TSPAN5: variants seen among roughly 807,000 people sequenced by gnomAD.
TSPAN5 encodes the protein tetraspanin 5.
Under a neutral mutation model 37.1 loss-of-function variants are expected in TSPAN5, and 10 were observed. The observed-to-expected ratio is 0.27, with a 90% CI of 0.17 to 0.46. The LOEUF is 0.46. TSPAN5 is among the 20% of genes least tolerant of loss of function. The pLI is 1.00. For missense variants in TSPAN5, 195 were observed against 326.6 expected (o/e 0.60, Z 3.11); for synonymous variants, 110 against 118.9 (o/e 0.93, Z 0.48).
intron 1 of TSPAN5, among the ~76,000 whole-genome samples, chr4:98,535,992 C>T (rs539516886): frequency 6.6e-6 from 1 of 152,178 alleles, no homozygotes; most frequent in East Asian, 1.9e-4. Flanking sequence ...TCGTTTAGCT[C>T]AAGTCTGTTA....
At chr4:98,598,588 C>T (rs1755810729) in intron 1 of TSPAN5, among the ~76,000 whole-genome samples, 1 of 152,094 alleles carries the variant, frequency 6.6e-6, no homozygotes, top group East Asian at 1.9e-4. Flanking sequence ...CCTCAGCCTC[C>T]CAAGTAGCTG....
At chr4:98,605,036 T>C (rs189800424) in intron 1 of TSPAN5, among the ~76,000 whole-genome samples, 3 of 152,332 alleles carry the variant, frequency 2.0e-5, no homozygotes, top group Admixed American at 1.3e-4. Context: ...ATAAATTAAA[T>C]ACAAAATAAA....
chr4:98,651,580 C>T (rs896614170), intron 1 of TSPAN5, among the ~76,000 whole-genome samples: 1 of 152,150 alleles, frequency 6.6e-6, no homozygotes, highest in Non-Finnish European at 1.5e-5. Context: ...TTGTCTCAAA[C>T]AGGATAAAAA....
intron 1 of TSPAN5, among the ~76,000 whole-genome samples, chr4:98,582,969 A>G (rs1442757233): frequency 3.3e-5 from 5 of 152,218 alleles, no homozygotes; most frequent in African/African-American, 1.2e-4. Flanking sequence ...ATTCCTTGGT[A>G]CCGTATAAAA....
At chr4:98,535,948 G>A (rs1423450398) in intron 1 of TSPAN5, among the ~76,000 whole-genome samples, 2 of 151,972 alleles carry the variant, frequency 1.3e-5, no homozygotes, top group Non-Finnish European at 2.9e-5. Context: ...TTTTTTCAAG[G>A]TTCTTAGCTT....
chr4:98,561,848 T>C (rs1175308892), intron 1 of TSPAN5, among the ~76,000 whole-genome samples: 1 of 152,024 alleles, frequency 6.6e-6, no homozygotes, highest in Non-Finnish European at 1.5e-5. Flanking sequence ...AAGGAAGACA[T>C]AAAAAGAAGA....
intron 1 of TSPAN5, among the ~76,000 whole-genome samples, chr4:98,581,230 G>C (rs1032930997): frequency 6.6e-5 from 10 of 152,116 alleles, no homozygotes; most frequent in Non-Finnish European, 1.2e-4. Context: ...GTAAATTACA[G>C]AAGTGAAAAA....
chr4:98,578,248 C>G (rs752308197), intron 1 of TSPAN5, among the ~76,000 whole-genome samples: 6 of 152,160 alleles, frequency 3.9e-5, no homozygotes, highest in Admixed American at 6.5e-5. Flanking sequence ...TTTATCCCTG[C>G]AGAGCCAACA....
chr4:98,480,512 C>G (rs1037484223), intron 4 of TSPAN5, among the ~76,000 whole-genome samples: 1 of 152,204 alleles, frequency 6.6e-6, no homozygotes, highest in African/African-American at 2.4e-5. Flanking sequence ...TGCACTTTCT[C>G]TACTTCTCTG....
intron 1 of TSPAN5, among the ~76,000 whole-genome samples, chr4:98,627,520 T>G (rs1756635362): frequency 6.6e-6 from 1 of 152,170 alleles, no homozygotes; most frequent in East Asian, 1.9e-4. Flanking sequence ...CAACAACTAT[T>G]TCTTCCAAAT....
At chr4:98,612,212 G>T (rs1295834533) in intron 1 of TSPAN5, among the ~76,000 whole-genome samples, 1 of 152,082 alleles carries the variant, frequency 6.6e-6, no homozygotes, top group Non-Finnish European at 1.5e-5. Context: ...AAGAGGAGGG[G>T]GAGGAGGATG....
At chr4:98,532,876 G>C (rs1754128777) in intron 1 of TSPAN5, among the ~76,000 whole-genome samples, 1 of 152,144 alleles carries the variant, frequency 6.6e-6, no homozygotes, top group African/African-American at 2.4e-5. Context: ...TTGATACCTA[G>C]TTTATTGAGT....
At chr4:98,523,907 C>G (rs1456754351) in intron 1 of TSPAN5, among the ~76,000 whole-genome samples, 2 of 152,164 alleles carry the variant, frequency 1.3e-5, no homozygotes, top group African/African-American at 4.8e-5. Context: ...CCTGGGCAAG[C>G]TGACACTCTC....
intron 1 of TSPAN5, among the ~76,000 whole-genome samples, chr4:98,590,707 C>CAAAAA (rs201373765): frequency 1.1e-5 from 1 of 91,490 alleles, no homozygotes; most frequent in Non-Finnish European, 2.4e-5. Flanking sequence ...GAGACTGTCT[C>CAAAAA]AAAAAAAAAA....
At chr4:98,561,171 A>G (rs181779226) in intron 1 of TSPAN5, among the ~76,000 whole-genome samples, 3 of 152,238 alleles carry the variant, frequency 2.0e-5, no homozygotes, top group African/African-American at 7.2e-5. Flanking sequence ...TATCCACTCC[A>G]TGCTCTCTTC....
At chr4:98,521,678 C>T (rs982431810) in intron 1 of TSPAN5, among the ~76,000 whole-genome samples, 3 of 152,180 alleles carry the variant, frequency 2.0e-5, no homozygotes, top group African/African-American at 7.2e-5. Flanking sequence ...GATTGTTCTC[C>T]AGCCCCCTGG....
At chr4:98,592,421 G>GTTTTGTTTTTT (rs1755661609) in intron 1 of TSPAN5, among the ~76,000 whole-genome samples, 1 of 95,280 alleles carries the variant, frequency 1.0e-5, no homozygotes, top group African/African-American at 4.4e-5. Context: ...AGGGATCTCT[G>GTTTTGTTTTTT]TTTTTTGTTT....
chr4:98,542,719 T>TAAA (rs11326064), intron 1 of TSPAN5, among the ~76,000 whole-genome samples: 4 of 101,806 alleles, frequency 3.9e-5, no homozygotes, highest in Non-Finnish European at 5.7e-5. Flanking sequence ...CTCATCTCTT[T>TAAA]AAAAAAAAAA....
intron 1 of TSPAN5, among the ~76,000 whole-genome samples, chr4:98,588,071 C>A (rs1319448625): frequency 6.6e-6 from 1 of 152,174 alleles, no homozygotes; most frequent in Non-Finnish European, 1.5e-5. Context: ...CATCCTCCCG[C>A]CCTGCACAGT....
Sources: allele counts gnomAD v4.1 joint callset (sites outside exome capture counted in the v4.1 genomes callset), GRCh38; gene constraint gnomAD v4.1.1; transcripts MANE v1.5; gene names NCBI Gene and HGNC (gene_info 2026-07-23, HGNC 2026-07-21).